AMMECR1L: variants seen among roughly 807,000 people sequenced by gnomAD.
The protein encoded by AMMECR1L is AMMECR1 like, also known as AMMECR1-like protein.
A neutral mutation model predicts 36.8 loss-of-function variants in AMMECR1L; 4 were observed. That is an observed-to-expected ratio of 0.11 (90% CI 0.05 to 0.25). The LOEUF is 0.25. Ranked by LOEUF, AMMECR1L falls within the 10% of genes least tolerant of loss-of-function variation. The pLI is 1.00. For synonymous variants in AMMECR1L, 147 were observed against 148.0 expected (o/e 0.99, Z 0.05); for missense variants, 232 against 392.1 (o/e 0.59, Z 3.45).
chr2:127,868,124 C>A (rs1309274465), intron 6 of AMMECR1L, among the ~76,000 whole-genome samples: 1 of 152,168 alleles, frequency 6.6e-6, no homozygotes, highest in African/African-American at 2.4e-5. Context: ...ACCTTGCCCT[C>A]CCAAAGTGCT....
At position 127,873,711 on chromosome 2, in the gene AMMECR1L, A is replaced by C; in HGVS notation, c.407+117T>G. ...GGACATTTCTTATCATTCTCTTCCC[A>C]TTACCCTTTCCTCAAATGATAATAA... On this transcript the variant is annotated intron_variant, in intron 3 of 7. Transcript: ENST00000272647. The surrounding 1 kb of genome is among the most constrained non-coding windows in gnomAD (Gnocchi z 5.2). 6.3e-7 allele frequency: 1 copy of C among 1,577,832 alleles called. No homozygotes were observed. Among genetic ancestry groups the C allele is most frequent in the Non-Finnish European group, 8.5e-7 (1 of 1,171,584 alleles).
At position 127,873,047 on chromosome 2, in the gene AMMECR1L, G is replaced by C; in HGVS notation, c.407+781C>G. 2 of 985,324 alleles carry C rather than the reference G, an allele frequency of 2.0e-6. No individual in the cohort carries two copies. The highest frequency in any genetic ancestry group is 2.4e-6 in the Non-Finnish European group (2 of 829,914). The allele number at this position is 985,324 out of a possible 1,614,324, so 61.0% of individuals were successfully genotyped here. ...CACACCCTCTCCATGCCCCAGCCAA[G>C]GTTTTGTAGTCTCCGTATGGCAATC... On this transcript the variant is annotated intron_variant, in intron 3 of 7. Coordinates refer to ENST00000272647, the MANE Select transcript of AMMECR1L (RefSeq NM_001199140.2). The surrounding 1 kb of genome is among the most constrained non-coding windows in gnomAD (Gnocchi z 5.2).
At position 127,864,223 on chromosome 2, in the gene AMMECR1L, T is replaced by C. The variant is rs1010995819; in HGVS notation, c.*871A>G. On this transcript the variant is annotated 3_prime_UTR_variant, in exon 8 of 8. Coordinates refer to ENST00000272647, the MANE Select transcript of AMMECR1L (RefSeq NM_001199140.2). The stretch of plus-strand genomic sequence containing the variant: ...GCTTCTGAGAACTTAGGTCCAGCTA[T>C]AGGCACTGCTACCAGCAGAGGAGTG... 3.3e-5 allele frequency: 5 copies of C among 152,714 alleles called. No individual in the cohort carries two copies. Among genetic ancestry groups the C allele is most frequent in the African/African-American group, 1.2e-4 (5 of 41,448 alleles). The allele number at this position is 152,714 out of a possible 1,614,324, so 9.5% of individuals were successfully genotyped here. A position where few individuals can be genotyped will look rare whatever the true frequency, so the allele number is the denominator to read the frequency against.
chr2:127,881,651 A>G (rs569748685), intron 2 of AMMECR1L, among the ~76,000 whole-genome samples: 12 of 152,356 alleles, frequency 7.9e-5, no homozygotes, highest in African/African-American at 2.6e-4. Flanking sequence ...GTTCTGTGGC[A>G]CATAACTACT....
intron 2 of AMMECR1L, among the ~76,000 whole-genome samples, chr2:127,883,020 C>T (rs539060006): frequency 2.1e-4 from 32 of 151,234 alleles, no homozygotes; most frequent in African/African-American, 7.8e-4. Context: ...GCTGGGGCTA[C>T]AGATGCACGC....
chr2:127,874,372 G>T lies in AMMECR1L; in HGVS notation c.-38-100C>A. The T allele has an allele frequency of 8.6e-7, 1 of 1,169,120 alleles. No homozygotes were observed. Among genetic ancestry groups the T allele is most frequent in the Non-Finnish European group, 1.2e-6 (1 of 849,756 alleles). The allele number at this position is 1,169,120 out of a possible 1,614,324, so 72.4% of individuals were successfully genotyped here. A position where few individuals can be genotyped will look rare whatever the true frequency, so the allele number is the denominator to read the frequency against. ...AGTCTGCATTGACCAGCTAAGAGCT[G>T]TCAAATTCTTTCTCCCACTCAACCT... On this transcript the variant is annotated intron_variant, in intron 2 of 7. Coordinates refer to ENST00000272647, the MANE Select transcript of AMMECR1L (RefSeq NM_001199140.2). The surrounding 1 kb of genome is among the most constrained non-coding windows in gnomAD (Gnocchi z 5.2).
intron 2 of AMMECR1L, among the ~76,000 whole-genome samples, chr2:127,875,481 G>C (rs1182272167): frequency 2.6e-5 from 4 of 152,000 alleles, no homozygotes; most frequent in African/African-American, 9.7e-5. Flanking sequence ...ATCTTTTTAG[G>C]CATTGATCTA....
In AMMECR1L at chr2:127,862,417, C is replaced by A. The variant is rs544556639; in HGVS notation, c.*2677G>T. Reference sequence around the variant, plus strand: ...GGTCAAGCGTGCAGAGAAGGCAGTTCAGTTCCAGTTCGGAGCTATCCTCTC... The same window carrying A: ...GGTCAAGCGTGCAGAGAAGGCAGTTAAGTTCCAGTTCGGAGCTATCCTCTC... On this transcript the variant is annotated 3_prime_UTR_variant, in exon 8 of 8. Transcript: ENST00000272647. 9 of 153,924 alleles carry A rather than the reference C, an allele frequency of 5.8e-5. No individual in the cohort carries two copies. Among genetic ancestry groups the A allele is most frequent in the African/African-American group, 2.2e-4 (9 of 41,582 alleles). 9.5% of individuals were successfully genotyped at this position (153,924 alleles called of 1,614,324 possible).
chr2:127,885,137 T>C (rs531168758), intron 1 of AMMECR1L: 24 of 984,066 alleles, frequency 2.4e-5, no homozygotes, highest in Non-Finnish European at 2.9e-5. Context: ...GATCATGGAA[T>C]GGGGGGCCAG....
chr2:127,882,039 A>G (rs1309458474), intron 2 of AMMECR1L, among the ~76,000 whole-genome samples: 1 of 152,232 alleles, frequency 6.6e-6, no homozygotes, highest in African/African-American at 2.4e-5. Context: ...AATTTGCTTA[A>G]AATGCTATTA....
At position 127,871,209 on chromosome 2, in the gene AMMECR1L, A is replaced by G; in HGVS notation, c.518+40T>C. 6.3e-7 allele frequency: 1 copy of G among 1,594,618 alleles called. No individual in the cohort carries two copies. The highest frequency in any genetic ancestry group is 8.6e-7 in the Non-Finnish European group (1 of 1,163,366). On this transcript the variant is annotated intron_variant, in intron 4 of 7. Coordinates refer to ENST00000272647, the MANE Select transcript of AMMECR1L (RefSeq NM_001199140.2). The surrounding 1 kb of genome is among the most constrained non-coding windows in gnomAD (Gnocchi z 4.3). Reference sequence around the variant, plus strand: ...AAGTCAGGCAGCTATTTCTGATTCTAGCCAATTTATCTACAGTTCTTAATG... The same window carrying G: ...AAGTCAGGCAGCTATTTCTGATTCTGGCCAATTTATCTACAGTTCTTAATG...
rs1691068408 is a variant in AMMECR1L at position 127,873,161 on chromosome 2, A to C, written c.407+667T>G. On this transcript the variant is annotated intron_variant, in intron 3 of 7. Coordinates refer to ENST00000272647, the MANE Select transcript of AMMECR1L (RefSeq NM_001199140.2). This position sits in a 1 kb window ranked among gnomAD's most constrained non-coding sequence, Gnocchi z 5.2. ...AATAAAAAAACAGCAATGCTCTTCAAAGCCAGCTCAGAGCGGCTTCCAATT... is the reference window on the plus strand; with the variant it reads ...AATAAAAAAACAGCAATGCTCTTCACAGCCAGCTCAGAGCGGCTTCCAATT... 1 of 985,368 alleles carries C rather than the reference A, an allele frequency of 1.0e-6. No homozygotes were observed. The highest frequency in any genetic ancestry group is 6.1e-5 in the Admixed American group (1 of 16,264). The allele number at this position is 985,368 out of a possible 1,614,324, so 61.0% of individuals were successfully genotyped here. A position where few individuals can be genotyped will look rare whatever the true frequency, so the allele number is the denominator to read the frequency against.
In AMMECR1L at chr2:127,862,734, ACT is replaced by A. The variant is rs987475825; in HGVS notation, c.*2358_*2359del. 10 of 152,512 alleles carry A rather than the reference ACT, an allele frequency of 6.6e-5. No individual in the cohort carries two copies. The highest frequency in any genetic ancestry group is 1.0e-4 in the Non-Finnish European group (7 of 68,042). The allele number at this position is 152,512 out of a possible 1,614,324, so 9.4% of individuals were successfully genotyped here. On this transcript the variant is annotated 3_prime_UTR_variant, in exon 8 of 8. Transcript: ENST00000272647. ...GTAAGGCTTCTTCACTCCAAAAACCACTGAGCCCACTTCAGTGTGGTGCTGGG... is the reference window on the plus strand; with the variant it reads ...GTAAGGCTTCTTCACTCCAAAAACCAGAGCCCACTTCAGTGTGGTGCTGGG...
At position 127,865,455 on chromosome 2, in the gene AMMECR1L, T is replaced by C. The variant is rs1258329805; in HGVS notation, c.822-250A>G. Among the ~76,000 whole-genome samples the C allele has an allele frequency of 6.6e-6, 1 of 151,896 alleles. No homozygotes were observed. The highest frequency in any genetic ancestry group is 1.5e-5 in the Non-Finnish European group (1 of 67,982). On this transcript the variant is annotated intron_variant, in intron 7 of 7. Transcript: ENST00000272647. This position sits in a 1 kb window ranked among gnomAD's most constrained non-coding sequence, Gnocchi z 5.4. ...TTCAGCACATCCCACCTTGAAACAC[T>C]ACACGTGCTTATCATCAGGCTGCTC... is the stretch of plus-strand genomic sequence containing the variant.
At chr2:127,868,505 C>T (rs189319419) in intron 6 of AMMECR1L, among the ~76,000 whole-genome samples, 12 of 152,274 alleles carry the variant, frequency 7.9e-5, no homozygotes, top group Non-Finnish European at 1.6e-4. Context: ...TACACTTCAC[C>T]GGGTATTTTT....
intron 5 of AMMECR1L, among the ~76,000 whole-genome samples, chr2:127,870,034 TG>T (rs1452418779): frequency 6.6e-6 from 1 of 152,024 alleles, no homozygotes; most frequent in African/African-American, 2.4e-5. Context: ...AAAATACAAA[TG>T]GCTGGGCATG....
At position 127,864,214 on chromosome 2, in the gene AMMECR1L, G is replaced by T. The variant is rs1245441501; in HGVS notation, c.*880C>A. On this transcript the variant is annotated 3_prime_UTR_variant, in exon 8 of 8. Transcript: ENST00000272647. The stretch of plus-strand genomic sequence containing the variant: ...CACATCTACGCTTCTGAGAACTTAG[G>T]TCCAGCTATAGGCACTGCTACCAGC... 2.6e-5 allele frequency: 4 copies of T among 152,684 alleles called. No individual in the cohort carries two copies. Among genetic ancestry groups the T allele is most frequent in the Admixed American group, 2.0e-4 (3 of 15,288 alleles). The allele number at this position is 152,684 out of a possible 1,614,324, so 9.5% of individuals were successfully genotyped here. A position where few individuals can be genotyped will look rare whatever the true frequency, so the allele number is the denominator to read the frequency against.
At chr2:127,882,210 G>C (rs894688456) in intron 2 of AMMECR1L, among the ~76,000 whole-genome samples, 2 of 151,984 alleles carry the variant, frequency 1.3e-5, no homozygotes, top group Non-Finnish European at 1.5e-5. Context: ...CAGCTTATTC[G>C]AGGGCACGAT....
intron 3 of AMMECR1L, chr2:127,872,938 C>G: frequency 1.0e-6 from 1 of 952,510 alleles, no homozygotes; most frequent in East Asian, 1.2e-4. Context: ...CTGACACACT[C>G]ACAGAGAACA....
Sources: gnomAD v4.1 joint callset for allele counts (sites outside exome capture counted in the v4.1 genomes callset) on GRCh38, gnomAD v4.1.1 for gene constraint, Gnocchi (gnomAD v3.1) non-coding constraint, MANE v1.5 for transcripts, NCBI Gene and HGNC (gene_info 2026-07-23, HGNC 2026-07-21) for gene names.